The following EPB41L3 variants were observed in gnomAD, a reference collection of about 807,000 sequenced individuals.
EPB41L3 encodes erythrocyte membrane protein band 4.1 like 3.
Under a neutral mutation model 127.1 loss-of-function variants are expected in EPB41L3, and 57 were observed. The observed-to-expected ratio is 0.45, with a 90% CI of 0.36 to 0.56. The LOEUF (loss-of-function observed/expected upper bound fraction) is 0.56, where lower values mean the gene tolerates loss of function less well. Ranked by LOEUF, EPB41L3 falls within the 20% of genes least tolerant of loss-of-function variation. EPB41L3 has a pLI of 0.00. For synonymous variants in EPB41L3, 572 were observed against 549.5 expected, an observed-to-expected ratio of 1.04 and a Z score of -0.57; for missense variants, 1,273 against 1,372.2, an observed-to-expected ratio of 0.93 and a Z score of 1.14.
chr18:5,598,572 A>T (rs1236429596), intron 3 of EPB41L3, among the ~76,000 whole-genome samples: 2 of 152,216 alleles, frequency 1.3e-5, no homozygotes, highest in Non-Finnish European at 2.9e-5. Flanking sequence ...GATTCTCAGT[A>T]GTGAAAAACG....
At chr18:5,437,452 G>A (rs950905215) in intron 6 of EPB41L3, among the ~76,000 whole-genome samples, 15 of 152,116 alleles carry the variant, frequency 9.9e-5, no homozygotes, top group African/African-American at 3.4e-4. Flanking sequence ...ATAGTATTTT[G>A]TTACAGCAGC....
intron 3 of EPB41L3, among the ~76,000 whole-genome samples, chr18:5,453,590 T>C (rs1426558856): frequency 6.6e-6 from 1 of 152,202 alleles, no homozygotes; most frequent in African/African-American, 2.4e-5. Flanking sequence ...GCAAAACTGA[T>C]GCTTCTGTAT....
intron 1 of EPB41L3, chr18:5,540,283 C>T: frequency 1.1e-6 from 1 of 919,558 alleles, no homozygotes; most frequent in South Asian, 5.0e-5. Flanking sequence ...CTCTTGGAGA[C>T]ACATTTTCCC....
At chr18:5,456,881 C>T (rs775233417) in intron 3 of EPB41L3, among the ~76,000 whole-genome samples, 3 of 152,184 alleles carry the variant, frequency 2.0e-5, no homozygotes, top group Non-Finnish European at 2.9e-5. Flanking sequence ...TGGTCTAATT[C>T]GAGAACCAGA....
chr18:5,583,584 A>G (rs1377282796), intron 3 of EPB41L3, among the ~76,000 whole-genome samples: 1 of 152,202 alleles, frequency 6.6e-6, no homozygotes, highest in Non-Finnish European at 1.5e-5. Context: ...TTATTTCCTC[A>G]TTTCTAGCAT....
chr18:5,490,853 T>C (rs938811611), intron 1 of EPB41L3, among the ~76,000 whole-genome samples: 1 of 152,200 alleles, frequency 6.6e-6, no homozygotes, highest in Non-Finnish European at 1.5e-5. Flanking sequence ...TTAGCTTTAA[T>C]AGTCAATTCA....
At chr18:5,544,637 A>G (rs1788275636), upstream of EPB41L3, among the ~76,000 whole-genome samples, 1 of 152,236 alleles carries the variant, frequency 6.6e-6, no homozygotes, top group South Asian at 2.1e-4. Context: ...ACTCCTGGTC[A>G]TCTCACAATA....
chr18:5,439,591 T>C (rs1568182443), intron 5 of EPB41L3, among the ~76,000 whole-genome samples: 1 of 152,200 alleles, frequency 6.6e-6, no homozygotes, highest in Non-Finnish European at 1.5e-5. Flanking sequence ...CTATAAAGGA[T>C]TTACCATAGG....
intron 3 of EPB41L3, among the ~76,000 whole-genome samples, chr18:5,550,954 C>A (rs532011990): frequency 2.0e-5 from 3 of 152,324 alleles, no homozygotes; most frequent in East Asian, 3.9e-4. Context: ...TCCCCTCCCA[C>A]GTCTTCTCAG....
chr18:5,588,382 TTATTA>T (rs1165496660), intron 3 of EPB41L3, among the ~76,000 whole-genome samples: 3 of 152,072 alleles, frequency 2.0e-5, no homozygotes, highest in African/African-American at 7.2e-5. Flanking sequence ...AACTGGTATA[TTATTA>T]TAACACTAAA....
upstream of EPB41L3, among the ~76,000 whole-genome samples, chr18:5,547,224 C>G (rs577815654): frequency 3.9e-5 from 6 of 152,316 alleles, no homozygotes; most frequent in African/African-American, 1.4e-4. Context: ...CCTTTTCCCT[C>G]TCACTACCAA....
At chr18:5,412,646 T>G (rs1281790275) in intron 13 of EPB41L3, among the ~76,000 whole-genome samples, 2 of 152,212 alleles carry the variant, frequency 1.3e-5, no homozygotes, top group Non-Finnish European at 2.9e-5. Context: ...CTTCAGTAAC[T>G]TGCAAGCATT....
At chr18:5,561,279 T>G (rs973160963) in intron 3 of EPB41L3, among the ~76,000 whole-genome samples, 11 of 152,108 alleles carry the variant, frequency 7.2e-5, no homozygotes, top group Non-Finnish European at 1.5e-4. Context: ...GCCTGGCCAG[T>G]TGTAATTAAT....
chr18:5,581,861 GGTGGCATGCACTGTAGTCCCAGTTACTT>G (rs2094396848), intron 3 of EPB41L3, among the ~76,000 whole-genome samples: 1 of 152,086 alleles, frequency 6.6e-6, no homozygotes, highest in Non-Finnish European at 1.5e-5. Flanking sequence ...AGCTCAGCCT[GGTGGCATGCACTGTAGTCCCAGTTACTT>G]GGGAAGCTGA....
intron 3 of EPB41L3, among the ~76,000 whole-genome samples, chr18:5,608,759 T>C (rs967094373): frequency 1.3e-5 from 2 of 152,074 alleles, no homozygotes; most frequent in South Asian, 2.1e-4. Context: ...GACCCAAAAG[T>C]GCACACAGAA....
At chr18:5,424,046 G>A (rs1215912750) in intron 10 of EPB41L3, among the ~76,000 whole-genome samples, 1 of 152,118 alleles carries the variant, frequency 6.6e-6, no homozygotes, top group Non-Finnish European at 1.5e-5. Context: ...TACTAAAGAA[G>A]GGGGGTTTGG....
chr18:5,406,695 C>T, intron 16 of EPB41L3, 82 bp downstream of exon 16: 1 of 1,265,928 alleles, frequency 7.9e-7, no homozygotes, highest in Non-Finnish European at 1.1e-6. Flanking sequence ...ACCCAGAAGA[C>T]TGTCAAATGC....
At chr18:5,450,132 A>C (rs2082089656) in intron 3 of EPB41L3, among the ~76,000 whole-genome samples, 1 of 152,074 alleles carries the variant, frequency 6.6e-6, no homozygotes, top group Non-Finnish European at 1.5e-5. Flanking sequence ...AACTAAGGGA[A>C]AAAGGCAAAA....
chr18:5,397,069 G>A lies in EPB41L3; in HGVS notation c.2830C>T (p.Pro944Ser). Residue 944 changes from proline to serine, a missense_variant, in exon 18 of 23, where the codon CCT (proline) becomes TCT (serine). Pro to Ser is a moderately conservative substitution (Grantham distance 74, BLOSUM62 -1). Coordinates refer to ENST00000341928, the MANE Select transcript of EPB41L3 (RefSeq NM_012307.5). This position sits in a 1 kb window ranked among gnomAD's most constrained non-coding sequence, Gnocchi z 4.1. Reference protein sequence around the residue: ...IHISETLEQKPHFESSTVKTE... With the variant: ...IHISETLEQKSHFESSTVKTE... ...TTACTACTAGTTACCTCAAAATGAG[G>A]TTTTTGTTCCAAAGTTTCTGAAATG... 2 of 1,598,794 alleles carry A rather than the reference G, an allele frequency of 1.3e-6. No individual in the cohort carries two copies. The highest frequency in any genetic ancestry group is 1.7e-6 in the Non-Finnish European group (2 of 1,173,936).
Sources: allele counts gnomAD v4.1 joint callset (sites outside exome capture counted in the v4.1 genomes callset), GRCh38; gene constraint gnomAD v4.1.1; non-coding constraint Gnocchi (gnomAD v3.1); transcripts MANE v1.5; gene names NCBI Gene and HGNC (gene_info 2026-07-23, HGNC 2026-07-21).